The following NRXN1 variants were observed in gnomAD, a reference collection of about 807,000 sequenced individuals.
NRXN1 encodes neurexin-1.
Under a neutral mutation model 150.9 loss-of-function variants are expected in NRXN1, and 39 were observed. The observed-to-expected ratio is 0.26, with a 90% CI of 0.20 to 0.34. The LOEUF (loss-of-function observed/expected upper bound fraction) is 0.34, where lower values mean the gene tolerates loss of function less well. NRXN1 is among the 10% of genes least tolerant of loss of function. The probability of loss-of-function intolerance (pLI) is 1.00; values close to 1 mark genes in which losing one functional copy is unlikely to be tolerated. For missense variants in NRXN1, 1,815 were observed against 1,949.9 expected (o/e 0.93, Z 1.30); for synonymous variants, 924 against 757.0 (o/e 1.22, Z -3.62).
intron 5 of NRXN1, among the ~76,000 whole-genome samples, chr2:50,856,471 A>C (rs1457998035): frequency 6.6e-6 from 1 of 152,028 alleles, no homozygotes; most frequent in East Asian, 1.9e-4. Flanking sequence ...CATTTAGTGT[A>C]TTCTATCAGA....
chr2:50,861,680 G>A (rs1270298073), intron 5 of NRXN1, among the ~76,000 whole-genome samples: 4 of 151,948 alleles, frequency 2.6e-5, no homozygotes, highest in Non-Finnish European at 4.4e-5. Context: ...ATTACAAAGT[G>A]GCAATAAAGC....
intron 17 of NRXN1, among the ~76,000 whole-genome samples, chr2:50,267,132 C>A (rs1045778445): frequency 1.3e-5 from 2 of 152,082 alleles, no homozygotes; most frequent in Non-Finnish European, 2.9e-5. Context: ...TCAGTTATTT[C>A]TTTGTTTAAC....
At chr2:50,950,046 G>C (rs1691048551) in intron 2 of NRXN1, among the ~76,000 whole-genome samples, 1 of 152,174 alleles carries the variant, frequency 6.6e-6, no homozygotes, top group South Asian at 2.1e-4. Context: ...CTAGCTATTT[G>C]CTAAGCAGAA....
At chr2:50,508,177 C>G (rs919487800) in intron 12 of NRXN1, among the ~76,000 whole-genome samples, 1 of 152,050 alleles carries the variant, frequency 6.6e-6, no homozygotes, top group African/African-American at 2.4e-5. Context: ...GCTGGTGTAT[C>G]TCAGGTTAGA....
At chr2:51,013,041 C>G (rs894137361) in intron 2 of NRXN1, among the ~76,000 whole-genome samples, 2 of 151,944 alleles carry the variant, frequency 1.3e-5, no homozygotes, top group East Asian at 1.9e-4. Context: ...AGACACCACT[C>G]GAATATTCTG....
At chr2:50,764,683 CACAG>C (rs374479268) in intron 5 of NRXN1, among the ~76,000 whole-genome samples, 34 of 151,994 alleles carry the variant, frequency 2.2e-4, no homozygotes, top group African/African-American at 8.0e-4. Context: ...AGCACACGTG[CACAG>C]ACAGAGAGAT....
chr2:51,021,767 T>C (rs981290151), intron 2 of NRXN1, among the ~76,000 whole-genome samples: 4 of 152,050 alleles, frequency 2.6e-5, no homozygotes, highest in African/African-American at 7.2e-5. Context: ...TCCTATTTGA[T>C]AGACAATGTA....
intron 5 of NRXN1, among the ~76,000 whole-genome samples, chr2:50,712,561 C>T (rs995667569): frequency 2.0e-5 from 3 of 152,170 alleles, no homozygotes; most frequent in Admixed American, 6.5e-5. Flanking sequence ...TTTTTAGATA[C>T]GTTATCTCAT....
At chr2:50,017,009 A>G (rs1191359565) in intron 21 of NRXN1, among the ~76,000 whole-genome samples, 2 of 152,090 alleles carry the variant, frequency 1.3e-5, no homozygotes, top group Non-Finnish European at 2.9e-5. Flanking sequence ...CAAACTATCT[A>G]TATTTGTTCT....
chr2:50,861,533 C>T (rs1388233720), intron 5 of NRXN1, among the ~76,000 whole-genome samples: 1 of 152,018 alleles, frequency 6.6e-6, no homozygotes, highest in African/African-American at 2.4e-5. Flanking sequence ...CCACCTTTAC[C>T]AAGTTTGAGA....
intron 5 of NRXN1, among the ~76,000 whole-genome samples, chr2:50,744,922 T>A (rs1699836854): frequency 6.6e-6 from 1 of 152,112 alleles, no homozygotes; most frequent in Non-Finnish European, 1.5e-5. Context: ...GATAACTGAA[T>A]CATAATTTTC....
chr2:50,656,621 G>A (rs1325048746), intron 5 of NRXN1, among the ~76,000 whole-genome samples: 2 of 151,804 alleles, frequency 1.3e-5, no homozygotes, highest in Non-Finnish European at 2.9e-5. Flanking sequence ...TGAATGACAG[G>A]AATTCCGTTT....
chr2:50,945,937 GTATTATTAT>G lies in NRXN1; in HGVS notation c.773-19991_773-19983del, dbSNP rs538118636. Reference sequence around the variant, plus strand: ...ACACACACACATCTTTACTTGTAAAGTATTATTATTATTATTATTATTATTAATTGGTCA... The same window carrying G: ...ACACACACACATCTTTACTTGTAAAGTATTATTATTATTATTAATTGGTCA... On this transcript the variant is annotated intron_variant, in intron 2 of 22. Coordinates refer to ENST00000401669, the MANE Select transcript of NRXN1 (RefSeq NM_001330078.2). Among the ~76,000 whole-genome samples, 22 of 145,876 alleles carry G rather than the reference GTATTATTAT, an allele frequency of 1.5e-4. No individual in the cohort carries two copies. The East Asian group carries it at 3.4e-3, about 23-fold the overall frequency.
intron 5 of NRXN1, among the ~76,000 whole-genome samples, chr2:50,624,533 A>C (rs548185971): frequency 1.8e-4 from 27 of 152,106 alleles, no homozygotes; most frequent in Non-Finnish European, 3.2e-4. Flanking sequence ...GAGACCATAG[A>C]AAATTATCTG....
chr2:50,160,288 C>T (rs2059283438), intron 18 of NRXN1, among the ~76,000 whole-genome samples: 1 of 152,006 alleles, frequency 6.6e-6, no homozygotes, highest in Non-Finnish European at 1.5e-5. Flanking sequence ...CGTCTGTAAT[C>T]CCAGCACTTT....
intron 5 of NRXN1, among the ~76,000 whole-genome samples, chr2:50,871,286 T>A (rs192159851): frequency 9.1e-4 from 139 of 152,026 alleles, no homozygotes; most frequent in African/African-American, 3.3e-3. Context: ...AAATGTCCTA[T>A]TCCTGTATGA....
At position 50,346,900 on chromosome 2, in the gene NRXN1, C is replaced by A. The variant is rs13413205; in HGVS notation, c.3365-109930G>T. ...GCCGCCGCCGCCGCCGCCGCCGCCG[C>A]CCCCGGGCGAGCCCAGCTCGGCGCC... is the stretch of plus-strand genomic sequence containing the variant. On this transcript the variant is annotated intron_variant, in intron 17 of 22. Coordinates refer to ENST00000401669, the MANE Select transcript of NRXN1 (RefSeq NM_001330078.2). The surrounding 1 kb of genome is among the most constrained non-coding windows in gnomAD (Gnocchi z 5.0). 100,662 of 1,296,746 alleles carry A rather than the reference C, an allele frequency of 0.078. 4,322 individuals are homozygous for A. The highest frequency in any genetic ancestry group is 0.11 in the Middle Eastern group (375 of 3,546). The allele number at this position is 1,296,746 out of a possible 1,614,324, so 80.3% of individuals were successfully genotyped here.
At chr2:50,862,206 A>G (rs1368445963) in intron 5 of NRXN1, among the ~76,000 whole-genome samples, 1 of 151,890 alleles carries the variant, frequency 6.6e-6, no homozygotes, top group East Asian at 1.9e-4. Context: ...CCATCTCAAA[A>G]AAAAAAAAAA....
In NRXN1 at chr2:50,839,731, T is replaced by C. The variant is rs68157830; in HGVS notation, c.832+82138A>G. ...GGATAATAAAGAAAACACATAAGAA[T>C]GCTTGTCATTATTGAGCTTATGTTC... On this transcript the variant is annotated intron_variant, in intron 5 of 22. Transcript: ENST00000401669. Among the ~76,000 whole-genome samples, 28,932 of 152,036 alleles carry C rather than the reference T, an allele frequency of 0.19. 2,848 individuals are homozygous for C. Among genetic ancestry groups the C allele is most frequent in the Middle Eastern group, 0.24 (70 of 292 alleles).
Sources: allele counts gnomAD v4.1 joint callset (sites outside exome capture counted in the v4.1 genomes callset), GRCh38; gene constraint gnomAD v4.1.1; non-coding constraint Gnocchi (gnomAD v3.1); transcripts MANE v1.5; gene names NCBI Gene and HGNC (gene_info 2026-07-23, HGNC 2026-07-21).